Variants in PREX1 observed in about 807,000 individuals in gnomAD.
PREX1 encodes phosphatidylinositol 3,4,5-trisphosphate-dependent Rac exchanger 1 protein.
PREX1 carries 41 observed loss-of-function variants against 198.3 expected under a neutral mutation model. The observed-to-expected ratio is 0.21, with a 90% CI of 0.16 to 0.27. The LOEUF is 0.27. Ranked by LOEUF, PREX1 falls within the 10% of genes least tolerant of loss-of-function variation. The pLI is 1.00. For synonymous variants in PREX1, 843 were observed against 887.2 expected, an observed-to-expected ratio of 0.95 and a Z score of 0.89; for missense variants, 1,620 against 2,200.7, an observed-to-expected ratio of 0.74 and a Z score of 5.28.
At chr20:48,805,526 G>C (rs550738406) in intron 1 of PREX1, among the ~76,000 whole-genome samples, 2 of 152,226 alleles carry the variant, frequency 1.3e-5, no homozygotes, top group Admixed American at 6.5e-5. Context: ...GTCTTGGCCC[G>C]AAGTGTTGTG....
intron 26 of PREX1, 43 bp downstream of exon 26, chr20:48,645,808 G>A: frequency 6.2e-7 from 1 of 1,601,796 alleles, no homozygotes; most frequent in Non-Finnish European, 8.5e-7. Context: ...ACCTGTCCAG[G>A]GCCATCCTCA....
chr20:48,814,707 T>C (rs1407691018), intron 1 of PREX1, among the ~76,000 whole-genome samples: 1 of 151,596 alleles, frequency 6.6e-6, no homozygotes, highest in Non-Finnish European at 1.5e-5. Flanking sequence ...TCCAGCAGAG[T>C]GAGGATGGGG....
At chr20:48,871,754 C>G in the PREX1 span, among the ~76,000 whole-genome samples, 1 of 120,886 alleles carries the variant, frequency 8.3e-6, no homozygotes, top group African/African-American at 3.2e-5. Flanking sequence ...TAATAATAGT[C>G]TATATTGTGA....
intron 33 of PREX1, 21 bp downstream of exon 33, chr20:48,634,652 TGGG>T: frequency 6.2e-7 from 1 of 1,606,414 alleles, no homozygotes; most frequent in South Asian, 1.1e-5. Context: ...CCTCTCACAG[TGGG>T]GGATGGGAGA....
At chr20:48,720,396 C>G (rs2089979832) in intron 5 of PREX1, among the ~76,000 whole-genome samples, 1 of 152,126 alleles carries the variant, frequency 6.6e-6, no homozygotes, top group Non-Finnish European at 1.5e-5. Flanking sequence ...TCACTTTGTA[C>G]CTCTAGCACC....
rs183786950 is a variant in PREX1, at chr20:48,765,274, C to T, written c.220-17394G>A. On this transcript the variant is annotated intron_variant, in intron 1 of 39. Coordinates refer to ENST00000371941, the MANE Select transcript of PREX1 (RefSeq NM_020820.4). ...TAAGCTGCAAAATGCTTTCTTTCCC[C>T]ACCCACAAAAGTATCTACAAACAAA... Among the ~76,000 whole-genome samples the T allele has an allele frequency of 5.1e-3, 772 of 152,268 alleles. 7 individuals are homozygous for T. The highest frequency in any genetic ancestry group is 0.018 in the African/African-American group (733 of 41,538).
intron 5 of PREX1, among the ~76,000 whole-genome samples, chr20:48,712,953 G>A (rs745705614): frequency 2.0e-5 from 3 of 152,066 alleles, no homozygotes; most frequent in Admixed American, 2.0e-4. Context: ...GTGAAACCCC[G>A]TCTCTATTAA....
the PREX1 span, among the ~76,000 whole-genome samples, chr20:48,886,651 G>C: frequency 6.6e-6 from 1 of 152,232 alleles, no homozygotes; most frequent in African/African-American, 2.4e-5. Flanking sequence ...CACAAGTTAA[G>C]TAAAAGACAA....
intron 37 of PREX1, 35 bp from the exon 38 acceptor site, chr20:48,627,998 T>TG (rs11477906): frequency 1.1e-6 from 1 of 950,500 alleles, no homozygotes; most frequent in Non-Finnish European, 1.6e-6. Flanking sequence ...GGGTTGGCGG[T>TG]GGGGGGACAG....
At chr20:48,758,149 G>A (rs1443418528) in intron 1 of PREX1, among the ~76,000 whole-genome samples, 8 of 152,174 alleles carry the variant, frequency 5.3e-5, no homozygotes, top group East Asian at 1.9e-4. Context: ...GGCAGCCCAC[G>A]AAGGGTATGA....
intron 7 of PREX1, among the ~76,000 whole-genome samples, chr20:48,696,977 TACACACAC>T (rs11467059): frequency 6.7e-6 from 1 of 148,692 alleles, no homozygotes; most frequent in Non-Finnish European, 1.5e-5. Context: ...TAAATCTCTT[TACACACAC>T]ACACACACAC....
rs750178215 is a variant in PREX1 at position 48,627,939 on chromosome 20, C to T, written c.4791G>A (p.Glu1597=). The part of the protein sequence containing the change: ...MQRSTLSVSL[E]QAAILARSHG... ...GGCTCCGTGCCAAGATGGCCGCCTG[C>T]TCCAGGGACACGCTCAGGGTGCTCC... is the stretch of plus-strand genomic sequence containing the variant. The change falls in exon 38 of 40, where the codon GAG becomes GAA. Residue 1597 remains glutamate (E), a synonymous_variant. Transcript: ENST00000371941. 16 of 1,611,936 alleles carry T rather than the reference C, an allele frequency of 9.9e-6. No individual in the cohort carries two copies. In the Admixed American group the frequency reaches 1.2e-4, roughly 12 times the overall value.
chr20:48,787,064 T>C (rs2090316485), intron 1 of PREX1, among the ~76,000 whole-genome samples: 1 of 146,976 alleles, frequency 6.8e-6, no homozygotes, highest in Non-Finnish European at 1.5e-5. Context: ...TCTCTGGGCC[T>C]CACTGGTGGC....
chr20:48,822,202 C>T (rs6095310), intron 1 of PREX1, among the ~76,000 whole-genome samples: 1 of 152,250 alleles, frequency 6.6e-6, no homozygotes, highest in Non-Finnish European at 1.5e-5. Flanking sequence ...ACAAGGTGGC[C>T]TGTTCCAGGC....
At chr20:48,805,410 G>A (rs1342506634) in intron 1 of PREX1, among the ~76,000 whole-genome samples, 1 of 152,242 alleles carries the variant, frequency 6.6e-6, no homozygotes, top group Non-Finnish European at 1.5e-5. Context: ...GACACCACGT[G>A]CTCTCTGCCA....
chr20:48,678,218 G>T lies in PREX1; in HGVS notation c.1589+1142C>A, dbSNP rs1192711654. Among the ~76,000 whole-genome samples the T allele has an allele frequency of 1.3e-5, 2 of 152,164 alleles. 1 individual carries two copies. Among genetic ancestry groups the T allele is most frequent in the Non-Finnish European group, 2.9e-5 (2 of 68,004 alleles). On this transcript the variant is annotated intron_variant, in intron 13 of 39. Coordinates refer to ENST00000371941, the MANE Select transcript of PREX1 (RefSeq NM_020820.4). Reference sequence around the variant, plus strand: ...AATGCCAGCCACTCAGGCAACTGAGGCATGAGAATCACTTGAACCCGGCGG... The same window carrying T: ...AATGCCAGCCACTCAGGCAACTGAGTCATGAGAATCACTTGAACCCGGCGG...
intron 29 of PREX1, among the ~76,000 whole-genome samples, chr20:48,641,028 G>C (rs955440727): frequency 1.3e-5 from 2 of 152,066 alleles, no homozygotes; most frequent in African/African-American, 4.8e-5. Flanking sequence ...TGGATGGATA[G>C]ATGGGTGGAT....
intron 30 of PREX1, among the ~76,000 whole-genome samples, 158 bp downstream of exon 30, chr20:48,639,608 A>C (rs1387616970): frequency 1.3e-5 from 2 of 152,130 alleles, no homozygotes; most frequent in Non-Finnish European, 2.9e-5. Flanking sequence ...TGCCCAGGGC[A>C]GGACACTCAG....
intron 1 of PREX1, among the ~76,000 whole-genome samples, chr20:48,780,683 TAGG>T (rs1423379593): frequency 1.3e-5 from 2 of 152,054 alleles, no homozygotes; most frequent in African/African-American, 2.4e-5. Context: ...TTAATAAAAG[TAGG>T]AGGAGTGAAG....
Sources: allele counts gnomAD v4.1 joint callset (sites outside exome capture counted in the v4.1 genomes callset), GRCh38; gene constraint gnomAD v4.1.1; transcripts MANE v1.5; gene names NCBI Gene and HGNC (gene_info 2026-07-23, HGNC 2026-07-21).